Variants in GBE1 observed in about 807,000 individuals in gnomAD.
GBE1 encodes 1,4-alpha-glucan-branching enzyme.
In GBE1, 70 loss-of-function variants were observed where a neutral mutation model predicts 88.8. That is an observed-to-expected ratio of 0.79 (90% CI 0.65 to 0.96). The LOEUF (loss-of-function observed/expected upper bound fraction) is 0.96, where lower values mean the gene tolerates loss of function less well. Among genes scored for constraint, GBE1 ranks in the 40% least tolerant of loss-of-function variants. The pLI is 0.00. For missense variants in GBE1, 872 were observed against 871.0 expected (o/e 1.00, Z -0.01); for synonymous variants, 284 against 300.1 (o/e 0.95, Z 0.56).
chr3:81,522,915 T>G (rs979149156), intron 14 of GBE1, among the ~76,000 whole-genome samples: 5 of 151,554 alleles, frequency 3.3e-5, no homozygotes, highest in African/African-American at 1.2e-4. Flanking sequence ...ATAACTAGTA[T>G]AGCTTCCAGA....
intron 8 of GBE1, among the ~76,000 whole-genome samples, chr3:81,593,142 C>T (rs569416253): frequency 6.6e-6 from 1 of 151,936 alleles, no homozygotes; most frequent in Non-Finnish European, 1.5e-5. Flanking sequence ...GCGGGCAGAT[C>T]ACCTGAGGTC....
At chr3:81,649,052 T>A (rs907960952) in intron 4 of GBE1, 61 bp from the exon 5 acceptor site, 9 of 1,118,826 alleles carry the variant, frequency 8.0e-6, no homozygotes, top group African/African-American at 1.6e-5. Flanking sequence ...CACTACCTGA[T>A]CAAGTATATT....
chr3:81,632,164 A>G (rs1704522665), intron 7 of GBE1, among the ~76,000 whole-genome samples: 1 of 152,150 alleles, frequency 6.6e-6, no homozygotes, highest in South Asian at 2.1e-4. Flanking sequence ...GCTGCATAGT[A>G]TTCCATGGTG....
chr3:81,496,322 C>T (rs897585000), intron 15 of GBE1, among the ~76,000 whole-genome samples: 1 of 152,182 alleles, frequency 6.6e-6, no homozygotes, highest in African/African-American at 2.4e-5. Flanking sequence ...ACAGAGACAA[C>T]GCTAGAACGG....
intron 12 of GBE1, among the ~76,000 whole-genome samples, chr3:81,573,384 T>C (rs1403665212): frequency 2.0e-5 from 3 of 152,214 alleles, no homozygotes; most frequent in Non-Finnish European, 4.4e-5. Flanking sequence ...TCCAAGCTGG[T>C]TTGGCTAAAG....
At chr3:81,622,878 T>C (rs908806509) in intron 7 of GBE1, among the ~76,000 whole-genome samples, 8 of 152,184 alleles carry the variant, frequency 5.3e-5, no homozygotes, top group Admixed American at 2.0e-4. Flanking sequence ...ACTCCATATT[T>C]AATTTAATTA....
Position 81,738,483 on chromosome 3 carries a change from T to G in GBE1, c.143+22892A>C, listed in dbSNP as rs528547490. Among the ~76,000 whole-genome samples the G allele has an allele frequency of 2.2e-3, 330 of 152,222 alleles. 1 individual carries two copies. The highest frequency in any genetic ancestry group is 7.5e-3 in the African/African-American group (310 of 41,518). ...GATGGTATCTCATTGTGGTTTTGAT[T>G]TGCATTTCTCTGATGGCCAGTGATG... On this transcript the variant is annotated intron_variant, in intron 1 of 15. Transcript: ENST00000429644.
At chr3:81,738,542 AAAAG>A (rs1706306242) in intron 1 of GBE1, among the ~76,000 whole-genome samples, 1 of 152,040 alleles carries the variant, frequency 6.6e-6, no homozygotes, top group African/African-American at 2.4e-5. Flanking sequence ...TTTTTAAAAA[AAAAG>A]ACTCTTCACA....
chr3:81,761,387 T>C lies in GBE1; in HGVS notation c.131A>G (p.Asp44Gly), dbSNP rs1413025980. 6 of 1,608,702 alleles carry C rather than the reference T, an allele frequency of 3.7e-6. No individual in the cohort carries two copies. The African/African-American group carries it at 5.4e-5, about 14-fold the overall frequency. The change falls in exon 1 of 16, where the codon GAC (aspartate) becomes GGC (glycine). Residue 44 changes from aspartate to glycine, a missense_variant. By Grantham distance (94) the Asp-to-Gly change is moderately conservative. Coordinates refer to ENST00000429644, the MANE Select transcript of GBE1 (RefSeq NM_000158.4). ...IDPYLKPYAV[D>G]FQRRYKQFSQ... ...ATTCCGGCGGTACCTGCGCTGGAAGTCCACGGCGTAGGGCTTCAAGTACGG... is the reference window on the plus strand; with the variant it reads ...ATTCCGGCGGTACCTGCGCTGGAAGCCCACGGCGTAGGGCTTCAAGTACGG...
intron 1 of GBE1, among the ~76,000 whole-genome samples, chr3:81,726,872 G>A (rs1559700471): frequency 6.6e-6 from 1 of 152,126 alleles, no homozygotes; most frequent in Non-Finnish European, 1.5e-5. Flanking sequence ...GAGCCACCGT[G>A]CCCGGCTGAT....
At chr3:81,524,206 T>G (rs940438319) in intron 14 of GBE1, among the ~76,000 whole-genome samples, 2 of 151,882 alleles carry the variant, frequency 1.3e-5, no homozygotes, top group Non-Finnish European at 2.9e-5. Context: ...TGGGGTGAGA[T>G]TTCTCATTGT....
intron 1 of GBE1, among the ~76,000 whole-genome samples, chr3:81,758,497 A>G (rs1001858213): frequency 2.6e-5 from 4 of 152,226 alleles, no homozygotes; most frequent in Admixed American, 2.0e-4. Context: ...TTCAAAACAA[A>G]TCCTTCATAA....
intron 12 of GBE1, among the ~76,000 whole-genome samples, chr3:81,575,970 T>C (rs986557181): frequency 1.5e-4 from 23 of 152,198 alleles, no homozygotes; most frequent in African/African-American, 5.3e-4. Flanking sequence ...TTCTAGTTTT[T>C]TCATGTAGAC....
At chr3:81,617,869 C>T (rs75622092) in intron 7 of GBE1, among the ~76,000 whole-genome samples, 2 of 151,882 alleles carry the variant, frequency 1.3e-5, no homozygotes, top group East Asian at 1.9e-4. Flanking sequence ...ATGTTACATG[C>T]TTTTAAGTTA....
chr3:81,608,019 T>C (rs1704126660), intron 7 of GBE1, among the ~76,000 whole-genome samples: 1 of 152,214 alleles, frequency 6.6e-6, no homozygotes, highest in African/African-American at 2.4e-5. Context: ...ATTAACTGTG[T>C]ATTAACCCCA....
Position 81,490,436 on chromosome 3 carries a change from T to C in GBE1, c.2080A>G (p.Ile694Val), listed in dbSNP as rs1257283055. 36 of 1,613,144 alleles carry C rather than the reference T, an allele frequency of 2.2e-5. No homozygotes were observed. Among genetic ancestry groups the C allele is most frequent in the Non-Finnish European group, 2.5e-5 (30 of 1,179,456 alleles). ...LVYIPSRVAL[I>V]LQNVDLPN ...TTCGGCAGATCCACATTCTGAAGGA[T>C]GAGGGCCACTCTGCTTGGAATGTAC... The change falls in exon 16 of 16, where the codon ATC becomes GTC. Residue 694 changes from isoleucine (I) to valine (V), a missense_variant. Transcript: ENST00000429644.
intron 15 of GBE1, among the ~76,000 whole-genome samples, chr3:81,492,733 C>T (rs1367941530): frequency 7.1e-6 from 1 of 139,912 alleles, no homozygotes; most frequent in Non-Finnish European, 1.5e-5. Context: ...TCCTTCCTTC[C>T]TTTTCTTTCT....
chr3:81,549,921 T>C (rs372679701), intron 12 of GBE1, among the ~76,000 whole-genome samples: 1 of 151,476 alleles, frequency 6.6e-6, no homozygotes, highest in South Asian at 2.1e-4. Flanking sequence ...TCTCATCGGT[T>C]GTTTTTGAGT....
chr3:81,655,377 G>C (rs903132614), intron 3 of GBE1, among the ~76,000 whole-genome samples: 11 of 152,060 alleles, frequency 7.2e-5, no homozygotes, highest in Admixed American at 7.2e-4. Context: ...TTGTAGAAGA[G>C]GGTGGAAGGA....
Sources: gnomAD v4.1 joint callset for allele counts (sites outside exome capture counted in the v4.1 genomes callset) on GRCh38, gnomAD v4.1.1 for gene constraint, MANE v1.5 for transcripts, NCBI Gene and HGNC (gene_info 2026-07-23, HGNC 2026-07-21) for gene names.